Variants in PTPRD observed in about 807,000 individuals in gnomAD.
The protein encoded by PTPRD is protein tyrosine phosphatase receptor type D.
Under a neutral mutation model 214.5 loss-of-function variants are expected in PTPRD, and 34 were observed. The ratio of observed to expected loss-of-function variants is 0.16; its 90% CI spans 0.12 to 0.21. The LOEUF (loss-of-function observed/expected upper bound fraction) is 0.21. Among genes scored for constraint, PTPRD ranks in the 10% least tolerant of loss-of-function variants. PTPRD has a pLI of 1.00. For synonymous variants in PTPRD, 1,128 were observed against 845.7 expected (o/e 1.33, Z -5.79); for missense variants, 2,545 against 2,398.7 (o/e 1.06, Z -1.27).
At chr9:9,438,013 G>C (rs578214271) in intron 8 of PTPRD, among the ~76,000 whole-genome samples, 2 of 152,218 alleles carry the variant, frequency 1.3e-5, no homozygotes, top group East Asian at 3.9e-4. Flanking sequence ...TCTGTTCTAG[G>C]CCTTTCTCCT....
chr9:9,923,575 G>C (rs946181912), intron 5 of PTPRD, among the ~76,000 whole-genome samples: 1 of 151,764 alleles, frequency 6.6e-6, no homozygotes, highest in Non-Finnish European at 1.5e-5. Flanking sequence ...CAAAGAAAAA[G>C]CATACAACAA....
intron 14 of PTPRD, among the ~76,000 whole-genome samples, chr9:8,577,891 G>A (rs2092625076): frequency 6.6e-6 from 1 of 152,122 alleles, no homozygotes; most frequent in South Asian, 2.1e-4. Flanking sequence ...TGATTCTGAT[G>A]CGTACTGATG....
intron 5 of PTPRD, among the ~76,000 whole-genome samples, chr9:9,937,514 C>T (rs1428726219): frequency 6.6e-6 from 1 of 151,240 alleles, no homozygotes; most frequent in African/African-American, 2.4e-5. Flanking sequence ...CTATTTATGA[C>T]TATAAAAACA....
At chr9:9,670,002 A>G (rs149134743) in intron 7 of PTPRD, among the ~76,000 whole-genome samples, 74 of 152,284 alleles carry the variant, frequency 4.9e-4, no homozygotes, top group African/African-American at 1.7e-3. Context: ...TTAGCATTTT[A>G]TCAGATACAA....
rs565207635 is a variant in PTPRD, at chr9:10,516,279, G to A, written c.-600+96119C>T. On this transcript the variant is annotated intron_variant, in intron 2 of 45. Transcript: ENST00000381196. ...ATAATAGTCATCCTAACTGGCATGA[G>A]GTGATATCTCATTGTGGTTTTGATT... 8.8e-4 allele frequency among the ~76,000 whole-genome samples: 133 copies of A among 151,850 alleles called. 1 individual carries two copies. Among genetic ancestry groups the A allele is most frequent in the African/African-American group, 3.0e-3 (123 of 41,490 alleles).
chr9:8,701,429 G>A (rs1381134552), intron 12 of PTPRD: 2 of 152,186 alleles, frequency 1.3e-5, no homozygotes, highest in East Asian at 1.9e-4. Context: ...GAGGTCGGGA[G>A]CTCGAAACCA....
chr9:9,195,107 T>TATATATATATATATATATAC lies in PTPRD; in HGVS notation c.-202-11745_-202-11744insGTATATATATATATATATAT, dbSNP rs58832794. On this transcript the variant is annotated intron_variant, in intron 9 of 45. Coordinates refer to ENST00000381196, the MANE Select transcript of PTPRD (RefSeq NM_002839.4). The stretch of plus-strand genomic sequence containing the variant: ...TTGTGTATATATATATATATATATA[T>TATATATATATATATATATAC]ACACACACACACATATACATACATA... 7.6e-3 allele frequency among the ~76,000 whole-genome samples: 1,066 copies of TATATATATATATATATATAC among 140,692 alleles called. 16 individuals are homozygous for TATATATATATATATATATAC. The highest frequency in any genetic ancestry group is 0.026 in the African/African-American group (992 of 38,060). 92.3% of individuals were successfully genotyped at this position (140,692 alleles called of 152,430 possible). A position where few individuals can be genotyped will look rare whatever the true frequency, so the allele number is the denominator to read the frequency against.
Position 9,080,771 on chromosome 9 carries a change from T to C in PTPRD, c.-142-62036A>G, listed in dbSNP as rs548699244. On this transcript the variant is annotated intron_variant, in intron 10 of 45. Transcript: ENST00000381196. The stretch of plus-strand genomic sequence containing the variant: ...ATTTATCCATTTTTTCTAGAATTTC[T>C]AGTTTATTTGCATAGAGGTGTTTAC... Among the ~76,000 whole-genome samples the C allele has an allele frequency of 1.6e-4, 25 of 152,292 alleles. No homozygotes were observed. The South Asian group carries it at 5.0e-3, about 30-fold the overall frequency.
intron 11 of PTPRD, among the ~76,000 whole-genome samples, chr9:8,850,544 T>C (rs1276263827): frequency 2.0e-5 from 3 of 152,146 alleles, no homozygotes; most frequent in Admixed American, 6.6e-5. Context: ...TTGCCTCTTT[T>C]CTTCCCCCTC....
intron 5 of PTPRD, among the ~76,000 whole-genome samples, chr9:9,851,096 A>G (rs2060470385): frequency 6.6e-6 from 1 of 152,204 alleles, no homozygotes; most frequent in South Asian, 2.1e-4. Flanking sequence ...AAGCTTATTT[A>G]AGGATGAAAT....
intron 12 of PTPRD, among the ~76,000 whole-genome samples, chr9:8,660,017 G>A (rs1049689758): frequency 1.3e-5 from 2 of 152,108 alleles, no homozygotes; most frequent in Admixed American, 1.3e-4. Context: ...ATCCAAATTG[G>A]TGGAGACACC....
chr9:9,477,357 G>C (rs916411186), intron 8 of PTPRD, among the ~76,000 whole-genome samples: 2 of 152,188 alleles, frequency 1.3e-5, no homozygotes, highest in Non-Finnish European at 2.9e-5. Context: ...TTTCTCATAA[G>C]TGGGATTCCT....
chr9:9,352,046 A>G (rs2051405948), intron 9 of PTPRD, among the ~76,000 whole-genome samples: 1 of 151,796 alleles, frequency 6.6e-6, no homozygotes. Context: ...AGCCCCAAGG[A>G]ATCCTCCTGC....
chr9:10,171,700 T>C (rs575811535), intron 3 of PTPRD, among the ~76,000 whole-genome samples: 119 of 152,168 alleles, frequency 7.8e-4, no homozygotes, highest in African/African-American at 2.9e-3. Context: ...AATTTTTGTA[T>C]TTTTAGTAGA....
At chr9:9,077,893 G>C (rs977642525) in intron 10 of PTPRD, among the ~76,000 whole-genome samples, 4 of 151,952 alleles carry the variant, frequency 2.6e-5, no homozygotes, top group African/African-American at 9.7e-5. Flanking sequence ...ACTTGAATGA[G>C]CTCTAAAATA....
intron 12 of PTPRD, among the ~76,000 whole-genome samples, chr9:8,705,092 A>G (rs968861251): frequency 3.9e-5 from 6 of 152,180 alleles, no homozygotes; most frequent in Admixed American, 1.3e-4. Context: ...GCAATTTTCA[A>G]TAAGTTTAAA....
intron 27 of PTPRD, among the ~76,000 whole-genome samples, chr9:8,489,557 C>G (rs532727876): frequency 1.3e-5 from 2 of 152,156 alleles, no homozygotes; most frequent in African/African-American, 4.8e-5. Flanking sequence ...GAAGAACACC[C>G]AATATCACCT....
At chr9:8,930,631 C>G (rs2098945965) in intron 11 of PTPRD, among the ~76,000 whole-genome samples, 1 of 152,270 alleles carries the variant, frequency 6.6e-6, no homozygotes, top group East Asian at 1.9e-4. Context: ...CTGTTGTTTC[C>G]TGACTTTTTA....
At chr9:8,965,179 A>C (rs1184618543) in intron 11 of PTPRD, among the ~76,000 whole-genome samples, 2 of 152,004 alleles carry the variant, frequency 1.3e-5, no homozygotes, top group African/African-American at 2.4e-5. Flanking sequence ...GGAGTTCGAG[A>C]CCAGCCTGGC....
Sources: allele counts gnomAD v4.1 joint callset (sites outside exome capture counted in the v4.1 genomes callset), GRCh38; gene constraint gnomAD v4.1.1; transcripts MANE v1.5; gene names NCBI Gene and HGNC (gene_info 2026-07-23, HGNC 2026-07-21).